Variants in CIROZ observed in about 807,000 individuals in gnomAD.
CIROZ encodes ciliated left-right organizer protein containing ZP-N domains.
chr1:10,969,267 G>A, the CIROZ span, among the ~76,000 whole-genome samples: 2 of 152,078 alleles, frequency 1.3e-5, no homozygotes, highest in Non-Finnish European at 2.9e-5. Context: ...GAGCATGGAG[G>A]GAAGCAAGCT....
At chr1:10,962,984 G>A in the CIROZ span, among the ~76,000 whole-genome samples, 1 of 152,094 alleles carries the variant, frequency 6.6e-6, no homozygotes. Flanking sequence ...GCTGGGCATG[G>A]TGTCATACGC....
the CIROZ span, among the ~76,000 whole-genome samples, chr1:10,950,889 T>C: frequency 2.0e-5 from 3 of 152,100 alleles, no homozygotes; most frequent in Non-Finnish European, 4.4e-5. Context: ...GAAAACCAGA[T>C]TTGGCTACAC....
chr1:10,960,275 G>T, the CIROZ span, among the ~76,000 whole-genome samples: 1 of 152,068 alleles, frequency 6.6e-6, no homozygotes, highest in Non-Finnish European at 1.5e-5. The surrounding 1 kb of genome is among the most constrained non-coding windows in gnomAD (Gnocchi z 4.6). Context: ...GTGGTGGCAG[G>T]CGCCTGTAGT....
chr1:10,970,505 T>G, the CIROZ span, among the ~76,000 whole-genome samples: 1 of 152,082 alleles, frequency 6.6e-6, no homozygotes, highest in African/African-American at 2.4e-5. Context: ...GGCGCATGCC[T>G]GTAATCGCAG....
At chr1:10,971,534 A>G in the CIROZ span, among the ~76,000 whole-genome samples, 1 of 151,728 alleles carries the variant, frequency 6.6e-6, no homozygotes, top group Non-Finnish European at 1.5e-5. Context: ...CCAACTCTTC[A>G]TGTGGCTAGC....
At chr1:10,981,473 G>GGA in the CIROZ span, among the ~76,000 whole-genome samples, 1 of 150,442 alleles carries the variant, frequency 6.6e-6, no homozygotes, top group East Asian at 1.9e-4. Flanking sequence ...AGACAGAGAG[G>GGA]GAGAGAGAGA....
chr1:10,981,184 C>G, the CIROZ span, among the ~76,000 whole-genome samples: 1 of 152,220 alleles, frequency 6.6e-6, no homozygotes, highest in African/African-American at 2.4e-5. Flanking sequence ...TGCAGTGAGT[C>G]ATGCCCGTAA....
the CIROZ span, among the ~76,000 whole-genome samples, chr1:10,966,956 C>A: frequency 1.3e-5 from 2 of 151,892 alleles, no homozygotes; most frequent in Non-Finnish European, 2.9e-5. Flanking sequence ...CAAGACCAAC[C>A]CGGCCAACAC....
the CIROZ span, chr1:10,976,346 T>C: frequency 7.5e-6 from 7 of 929,110 alleles, no homozygotes; most frequent in Admixed American, 1.9e-4. Flanking sequence ...TCTTTTTTTT[T>C]TTTTTCTGAG....
chr1:10,948,932 T>C, the CIROZ span: 14 of 1,310,336 alleles, frequency 1.1e-5, no homozygotes, highest in African/African-American at 2.9e-5. Flanking sequence ...AACCCAAAGA[T>C]GGGTTCGAGG....
At chr1:10,977,007 A>T in the CIROZ span, among the ~76,000 whole-genome samples, 2 of 152,048 alleles carry the variant, frequency 1.3e-5, no homozygotes, top group African/African-American at 2.4e-5. Flanking sequence ...AAACTATAAA[A>T]CATTAGCTGG....
the CIROZ span, chr1:10,947,722 G>T: frequency 6.4e-7 from 1 of 1,557,778 alleles, no homozygotes; most frequent in South Asian, 1.2e-5. Context: ...GGAGGCCTGT[G>T]GCTTTCAGCA....
At chr1:10,964,208 C>A in the CIROZ span, 1 of 1,614,218 alleles carries the variant, frequency 6.2e-7, no homozygotes, top group Non-Finnish European at 8.5e-7. Context: ...ATGTAGCGAT[C>A]ACTCCGCTCC....
the CIROZ span, among the ~76,000 whole-genome samples, chr1:10,956,830 AC>A: frequency 2.6e-5 from 4 of 151,952 alleles, no homozygotes; most frequent in South Asian, 8.3e-4. Context: ...ACACACACAT[AC>A]CCCAACACCT....
chr1:10,950,687 T>C, the CIROZ span, among the ~76,000 whole-genome samples: 1 of 152,242 alleles, frequency 6.6e-6, no homozygotes, highest in Non-Finnish European at 1.5e-5. Flanking sequence ...GGTCTCCAGA[T>C]GTTGCTAAGT....
the CIROZ span, among the ~76,000 whole-genome samples, chr1:10,950,402 C>T: frequency 6.6e-6 from 1 of 152,088 alleles, no homozygotes; most frequent in Non-Finnish European, 1.5e-5. Context: ...ACTCCCTGTC[C>T]CAGCTTCAAT....
At chr1:10,962,391 G>A in the CIROZ span, among the ~76,000 whole-genome samples, 2 of 152,202 alleles carry the variant, frequency 1.3e-5, no homozygotes, top group African/African-American at 4.8e-5. Flanking sequence ...AAGTTGCAGT[G>A]AGCTGAGATC....
chr1:10,954,922 A>G, the CIROZ span: 1 of 1,480,570 alleles, frequency 6.8e-7, no homozygotes, highest in Non-Finnish European at 9.2e-7. Flanking sequence ...CACATATGGC[A>G]TCGGTGACCA....
the CIROZ span, among the ~76,000 whole-genome samples, chr1:10,974,640 A>C: frequency 6.6e-6 from 1 of 152,312 alleles, no homozygotes; most frequent in East Asian, 1.9e-4. This position sits in a 1 kb window ranked among gnomAD's most constrained non-coding sequence, Gnocchi z 4.4. Context: ...TCCTGGACAC[A>C]GGACAAGAAC....
Sources: gnomAD v4.1 joint callset for allele counts (sites outside exome capture counted in the v4.1 genomes callset) on GRCh38, gnomAD v4.1.1 for gene constraint, Gnocchi (gnomAD v3.1) non-coding constraint, MANE v1.5 for transcripts, NCBI Gene and HGNC (gene_info 2026-07-23, HGNC 2026-07-21) for gene names.